The following KAT6A variants were observed in gnomAD, a reference collection of about 807,000 sequenced individuals.
The protein encoded by KAT6A is histone acetyltransferase KAT6A.
KAT6A carries 9 observed loss-of-function variants against 198.4 expected under a neutral mutation model. That is an observed-to-expected ratio of 0.05 (90% CI 0.03 to 0.08). The LOEUF (loss-of-function observed/expected upper bound fraction) is 0.08. Among genes scored for constraint, KAT6A ranks in the 10% least tolerant of loss-of-function variants. The pLI is 1.00. For missense variants in KAT6A, 2,077 were observed against 2,509.9 expected (o/e 0.83, Z 3.69); for synonymous variants, 890 against 883.0 (o/e 1.01, Z -0.14).
intron 2 of KAT6A, among the ~76,000 whole-genome samples, chr8:42,002,697 A>G (rs994186148): frequency 2.0e-5 from 3 of 152,208 alleles, no homozygotes; most frequent in Admixed American, 6.5e-5. Context: ...ATCCAAATCA[A>G]TATCATCTTT....
At chr8:41,937,069 A>C (rs915753910) in intron 16 of KAT6A, among the ~76,000 whole-genome samples, 187 bp downstream of exon 16, 2 of 152,256 alleles carry the variant, frequency 1.3e-5, no homozygotes, top group Admixed American at 1.3e-4. Context: ...TTCTGAGTTG[A>C]AGGGAAAACA....
intron 2 of KAT6A, among the ~76,000 whole-genome samples, chr8:42,035,247 A>G (rs886661436): frequency 5.9e-5 from 9 of 152,226 alleles, no homozygotes; most frequent in Non-Finnish European, 1.2e-4. Flanking sequence ...CATTTTAAGC[A>G]TCAGAATCGA....
chr8:41,942,445 C>T (rs1417956042), intron 14 of KAT6A: 2 of 321,902 alleles, frequency 6.2e-6, no homozygotes, highest in Non-Finnish European at 5.8e-6. Flanking sequence ...CACACCCAAC[C>T]TCCATTTCAT....
intron 2 of KAT6A, among the ~76,000 whole-genome samples, chr8:42,046,572 C>A (rs2150931544): frequency 6.6e-6 from 1 of 152,224 alleles, no homozygotes; most frequent in Non-Finnish European, 1.5e-5. Context: ...CTAACAGGAA[C>A]TTATAACATC....
At chr8:42,013,639 C>T (rs559504385) in intron 2 of KAT6A, among the ~76,000 whole-genome samples, 56 of 152,318 alleles carry the variant, frequency 3.7e-4, no homozygotes, top group Non-Finnish European at 6.9e-4. Flanking sequence ...TGCTCCTATC[C>T]TAACCAAGAT....
At chr8:42,013,954 C>CA (rs1298431657) in intron 2 of KAT6A, among the ~76,000 whole-genome samples, 1 of 152,174 alleles carries the variant, frequency 6.6e-6, no homozygotes, top group Non-Finnish European at 1.5e-5. Context: ...TAAAACCACT[C>CA]AAGTCTGCCG....
chr8:41,995,550 T>TG (rs1242721319), intron 2 of KAT6A, among the ~76,000 whole-genome samples: 1 of 152,226 alleles, frequency 6.6e-6, no homozygotes, highest in Non-Finnish European at 1.5e-5. Flanking sequence ...TGCTCTCTGT[T>TG]GAAGTTTATA....
chr8:41,940,044 C>T (rs1435313201), intron 15 of KAT6A, among the ~76,000 whole-genome samples: 1 of 152,170 alleles, frequency 6.6e-6, no homozygotes, highest in African/African-American at 2.4e-5. Context: ...AACAAAAGAT[C>T]CTGTCTTGCT....
At chr8:41,941,838 C>G (rs1405489958) in intron 14 of KAT6A, among the ~76,000 whole-genome samples, 1 of 152,108 alleles carries the variant, frequency 6.6e-6, no homozygotes, top group Non-Finnish European at 1.5e-5. Context: ...AAAGTGAATA[C>G]TATTGTTCTT....
Position 41,941,460 on chromosome 8 carries a change from A to G in KAT6A, c.2437-16T>C, listed in dbSNP as rs1822132158. The G allele has an allele frequency of 6.4e-7, 1 of 1,565,178 alleles. No individual in the cohort carries two copies. The highest frequency in any genetic ancestry group is 1.9e-5 in the Admixed American group (1 of 51,994). On this transcript the variant is annotated splice_polypyrimidine_tract_variant and intron_variant, in intron 14 of 16. Transcript: ENST00000265713. ...ACTTTCCCACCTGATTTTAGAAAATAAAACAATGCTGGTTAATTTTTCAGT... is the reference window on the plus strand; with the variant it reads ...ACTTTCCCACCTGATTTTAGAAAATGAAACAATGCTGGTTAATTTTTCAGT...
intron 11 of KAT6A, among the ~76,000 whole-genome samples, 178 bp from the exon 12 acceptor site, chr8:41,946,862 C>T (rs1322273387): frequency 3.3e-5 from 5 of 152,072 alleles, no homozygotes; most frequent in Non-Finnish European, 7.4e-5. Flanking sequence ...AAGTCACTGC[C>T]ATTACCCACA....
intron 2 of KAT6A, among the ~76,000 whole-genome samples, chr8:42,001,487 A>G (rs1825491516): frequency 6.6e-6 from 1 of 152,200 alleles, no homozygotes; most frequent in African/African-American, 2.4e-5. Context: ...TTTTCAAAAA[A>G]CTGTCTAAGA....
At chr8:42,010,878 G>A (rs1372962938) in intron 2 of KAT6A, among the ~76,000 whole-genome samples, 1 of 152,044 alleles carries the variant, frequency 6.6e-6, no homozygotes, top group Non-Finnish European at 1.5e-5. Flanking sequence ...TCTTCCTCTG[G>A]GGTCACTAAA....
intron 2 of KAT6A, among the ~76,000 whole-genome samples, chr8:41,996,576 G>C (rs551043354): frequency 6.6e-6 from 1 of 152,262 alleles, no homozygotes; most frequent in Non-Finnish European, 1.5e-5. Flanking sequence ...TGGGCCATGA[G>C]GGCTCCACCC....
chr8:42,033,555 G>C (rs1338322322), intron 2 of KAT6A, among the ~76,000 whole-genome samples: 3 of 152,034 alleles, frequency 2.0e-5, no homozygotes, highest in African/African-American at 7.2e-5. Flanking sequence ...TCCCTTTTCA[G>C]GAACTACTCT....
chr8:41,941,272 C>T lies in KAT6A; in HGVS notation c.2609G>A (p.Arg870Lys), dbSNP rs1217454654. The T allele has an allele frequency of 1.2e-6, 2 of 1,613,866 alleles. No homozygotes were observed. The highest frequency in any genetic ancestry group is 1.7e-6 in the Non-Finnish European group (2 of 1,179,966). The stretch of plus-strand genomic sequence containing the variant: ...ACGTTCCTGGGTTTTTCTGTTCTTC[C>T]TCCCCCAGCGGCCCCTCCGAGATGG... Reference protein sequence around the residue: ...SQPSRRGRWGRKNRKTQERFG... With the variant: ...SQPSRRGRWGKKNRKTQERFG... The change falls in exon 15 of 17, where the codon AGG becomes AAG. Residue 870 changes from arginine to lysine, a missense_variant. Physicochemically the swap from Arg to Lys is conservative, Grantham distance 26. Coordinates refer to ENST00000265713, the MANE Select transcript of KAT6A (RefSeq NM_006766.5).
At chr8:42,024,680 A>G (rs2150917953) in intron 2 of KAT6A, among the ~76,000 whole-genome samples, 1 of 152,264 alleles carries the variant, frequency 6.6e-6, no homozygotes, top group South Asian at 2.1e-4. Context: ...TGAGAACGTG[A>G]CAGCTGTCAT....
intron 14 of KAT6A, 112 bp downstream of exon 14, chr8:41,942,681 T>C: frequency 8.5e-7 from 1 of 1,178,854 alleles, no homozygotes; most frequent in Non-Finnish European, 1.2e-6. Context: ...CTTGACATTC[T>C]AATGTGAATT....
chr8:41,987,660 A>G (rs1460064731), intron 2 of KAT6A, 97 bp from the exon 3 acceptor site: 3 of 780,414 alleles, frequency 3.8e-6, no homozygotes, highest in Non-Finnish European at 4.3e-6. Flanking sequence ...TACCAGAGTA[A>G]GTTTAGGACA....
Sources: gnomAD v4.1 joint callset for allele counts (sites outside exome capture counted in the v4.1 genomes callset) on GRCh38, gnomAD v4.1.1 for gene constraint, MANE v1.5 for transcripts, NCBI Gene and HGNC (gene_info 2026-07-23, HGNC 2026-07-21) for gene names.